The following OSBPL9 variants were observed in gnomAD, a reference collection of about 807,000 sequenced individuals.
OSBPL9 encodes the protein oxysterol-binding protein-related protein 9.
OSBPL9 carries 40 observed loss-of-function variants against 106.6 expected under a neutral mutation model. That is an observed-to-expected ratio of 0.38 (90% confidence interval 0.29 to 0.49). The LOEUF is 0.49. Ranked by LOEUF, OSBPL9 falls within the 20% of genes least tolerant of loss-of-function variation. The pLI is 0.97. For synonymous variants in OSBPL9, 269 were observed against 295.4 expected, an observed-to-expected ratio of 0.91 and a Z score of 0.92; for missense variants, 609 against 887.2, an observed-to-expected ratio of 0.69 and a Z score of 3.98.
At chr1:51,693,260 C>G (rs1392629051) in intron 3 of OSBPL9, among the ~76,000 whole-genome samples, 7 of 151,468 alleles carry the variant, frequency 4.6e-5, no homozygotes. Flanking sequence ...TGGTCTCAGC[C>G]ACTTAGGAGG....
chr1:51,766,091 G>T (rs1404967147), intron 12 of OSBPL9, 110 bp downstream of exon 12: 8 of 1,141,836 alleles, frequency 7.0e-6, no homozygotes, highest in Non-Finnish European at 5.9e-6. Context: ...GTTATTATTT[G>T]GGAAAATTAA....
chr1:51,600,257 T>G (rs1276831243), intron 2 of OSBPL9, among the ~76,000 whole-genome samples: 1 of 152,180 alleles, frequency 6.6e-6, no homozygotes, highest in Non-Finnish European at 1.5e-5. Context: ...CTAAGAGAGA[T>G]ATAAAAGCAC....
chr1:51,588,279 G>A (rs1645257187), intron 1 of OSBPL9, among the ~76,000 whole-genome samples: 1 of 152,222 alleles, frequency 6.6e-6, no homozygotes. Flanking sequence ...CTACTCGGGA[G>A]GCTGAGGCAG....
At chr1:51,545,516 C>A in the OSBPL9 span, among the ~76,000 whole-genome samples, 1,526 of 152,316 alleles carry the variant, frequency 0.01, 7 homozygotes, top group Non-Finnish European at 0.015. Context: ...CAGTGGCTCA[C>A]ACCTATAATC....
chr1:51,689,324 T>C (rs1429391854), intron 3 of OSBPL9, among the ~76,000 whole-genome samples: 1 of 152,198 alleles, frequency 6.6e-6, no homozygotes, highest in East Asian at 1.9e-4. Flanking sequence ...TTTTTGGCCT[T>C]GCTTTAGTTT....
At chr1:51,628,928 T>G (rs1036259292) in intron 1 of OSBPL9, among the ~76,000 whole-genome samples, 1 of 152,084 alleles carries the variant, frequency 6.6e-6, no homozygotes, top group Non-Finnish European at 1.5e-5. Context: ...TCCACCCTCC[T>G]CGGCCTCCCA....
chr1:51,762,641 C>T (rs1236634506), intron 11 of OSBPL9, among the ~76,000 whole-genome samples: 4 of 152,194 alleles, frequency 2.6e-5, no homozygotes, highest in African/African-American at 9.7e-5. Flanking sequence ...TTACTCTCCC[C>T]CCAGTAATTT....
the OSBPL9 span, among the ~76,000 whole-genome samples, chr1:51,554,668 C>T: frequency 6.6e-6 from 1 of 152,172 alleles, no homozygotes; most frequent in African/African-American, 2.4e-5. Context: ...AAAAATGAGA[C>T]AAAGACTATG....
rs1031037045 is a variant in OSBPL9, at chr1:51,729,034, C to G, written c.318+14955C>G. The stretch of plus-strand genomic sequence containing the variant: ...GTTAATCACTTATGTTTGTGATTCC[C>G]TGCATTTTGGGTGATTCTCTGTCGA... On this transcript the variant is annotated intron_variant, in intron 4 of 23. Coordinates refer to ENST00000428468, the MANE Select transcript of OSBPL9 (RefSeq NM_024586.6). The surrounding 1 kb of genome is among the most constrained non-coding windows in gnomAD (Gnocchi z 5.1). Among the ~76,000 whole-genome samples the G allele has an allele frequency of 1.3e-5, 2 of 152,114 alleles. No individual in the cohort carries two copies. Among genetic ancestry groups the G allele is most frequent in the African/African-American group, 4.8e-5 (2 of 41,428 alleles).
intron 1 of OSBPL9, among the ~76,000 whole-genome samples, chr1:51,640,964 T>C (rs759847050): frequency 1.3e-5 from 2 of 151,780 alleles, no homozygotes; most frequent in Non-Finnish European, 2.9e-5. Context: ...AAAAAAATTT[T>C]TTTTTTTAGA....
At chr1:51,623,417 GAA>G (rs752414587) in intron 1 of OSBPL9, among the ~76,000 whole-genome samples, 2 of 152,114 alleles carry the variant, frequency 1.3e-5, no homozygotes, top group Admixed American at 6.5e-5. Flanking sequence ...GTGGGAACTG[GAA>G]AAAGGAATAG....
chr1:51,606,892 CAA>C (rs917533186), intron 2 of OSBPL9, among the ~76,000 whole-genome samples: 2 of 151,202 alleles, frequency 1.3e-5, no homozygotes, highest in South Asian at 4.2e-4. Context: ...CCTAAAAATA[CAA>C]AAAAAATTAG....
the OSBPL9 span, among the ~76,000 whole-genome samples, chr1:51,547,424 T>C: frequency 6.6e-6 from 1 of 152,048 alleles, no homozygotes; most frequent in Non-Finnish European, 1.5e-5. Context: ...TTTGCAGAAA[T>C]TAAAAATGTA....
At chr1:51,598,260 G>A (rs1023917053) in intron 2 of OSBPL9, 26 of 152,234 alleles carry the variant, frequency 1.7e-4, no homozygotes, top group African/African-American at 6.3e-4. Context: ...GATAGAGCTG[G>A]AACATAAGGT....
intron 2 of OSBPL9, among the ~76,000 whole-genome samples, chr1:51,601,052 A>T (rs1303979540): frequency 1.3e-5 from 2 of 152,154 alleles, no homozygotes; most frequent in Non-Finnish European, 2.9e-5. Context: ...CATCCATCCC[A>T]CTTAACTGCA....
intron 3 of OSBPL9, among the ~76,000 whole-genome samples, chr1:51,681,085 T>G (rs1160747196): frequency 6.6e-6 from 1 of 152,334 alleles, no homozygotes; most frequent in East Asian, 1.9e-4. Flanking sequence ...ACAGACTTAT[T>G]CATTAACGCT....
chr1:51,753,474 C>T (rs1471851863), intron 8 of OSBPL9, among the ~76,000 whole-genome samples: 1 of 152,168 alleles, frequency 6.6e-6, no homozygotes, highest in Non-Finnish European at 1.5e-5. Flanking sequence ...GACAGTAACA[C>T]ATCTGGTAAA....
At chr1:51,635,625 T>A (rs1645382864) in intron 1 of OSBPL9, among the ~76,000 whole-genome samples, 2 of 152,210 alleles carry the variant, frequency 1.3e-5, no homozygotes, top group African/African-American at 4.8e-5. Context: ...ATTTAGTTTT[T>A]AATATTTAAC....
At chr1:51,533,193 T>C in the OSBPL9 span, among the ~76,000 whole-genome samples, 1 of 152,152 alleles carries the variant, frequency 6.6e-6, no homozygotes, top group Non-Finnish European at 1.5e-5. Flanking sequence ...TAAAGAGAAG[T>C]ACATGCTGCT....
Sources: allele counts gnomAD v4.1 joint callset (sites outside exome capture counted in the v4.1 genomes callset), GRCh38; gene constraint gnomAD v4.1.1; non-coding constraint Gnocchi (gnomAD v3.1); transcripts MANE v1.5; gene names NCBI Gene and HGNC (gene_info 2026-07-23, HGNC 2026-07-21).